The following CSTPP1 variants were observed in gnomAD, a reference collection of about 807,000 sequenced individuals.
CSTPP1 encodes the protein UPF0705 protein C11orf49.
the CSTPP1 span, among the ~76,000 whole-genome samples, chr11:47,066,714 G>T: frequency 6.6e-6 from 1 of 152,176 alleles, no homozygotes; most frequent in African/African-American, 2.4e-5. Context: ...TTAATTCATG[G>T]TCGGAGGAGG....
the CSTPP1 span, among the ~76,000 whole-genome samples, chr11:47,074,479 A>C: frequency 1.4e-5 from 2 of 147,240 alleles, no homozygotes; most frequent in African/African-American, 2.5e-5. Flanking sequence ...CAGCCTGGGC[A>C]ACAGAGCAAG....
chr11:47,056,422 G>C, the CSTPP1 span, among the ~76,000 whole-genome samples: 3 of 152,106 alleles, frequency 2.0e-5, no homozygotes, highest in Admixed American at 6.6e-5. Context: ...TTACTATCAC[G>C]AGGGATTCAT....
the CSTPP1 span, among the ~76,000 whole-genome samples, chr11:46,974,310 T>A: frequency 2.0e-5 from 3 of 151,786 alleles, no homozygotes; most frequent in Non-Finnish European, 4.4e-5. Flanking sequence ...GGCAGATCGC[T>A]TGAGGTCAAG....
the CSTPP1 span, among the ~76,000 whole-genome samples, chr11:47,005,336 G>A: frequency 6.6e-6 from 1 of 152,214 alleles, no homozygotes; most frequent in East Asian, 1.9e-4. Flanking sequence ...TTGTTATAGA[G>A]CTTCAAATGT....
the CSTPP1 span, among the ~76,000 whole-genome samples, chr11:47,086,234 C>CAAAAAA: frequency 5.1e-3 from 455 of 89,384 alleles, 97 homozygotes; most frequent in South Asian, 6.3e-3. Context: ...ACTAAAAATC[C>CAAAAAA]AAAAAAAAAA....
chr11:46,960,308 G>T, the CSTPP1 span, among the ~76,000 whole-genome samples: 1 of 151,928 alleles, frequency 6.6e-6, no homozygotes, highest in Non-Finnish European at 1.5e-5. Context: ...ACAATGCCTG[G>T]CATTTTTTAG....
the CSTPP1 span, among the ~76,000 whole-genome samples, chr11:47,029,937 G>GA: frequency 0.012 from 1,553 of 125,504 alleles, 14 homozygotes; most frequent in African/African-American, 0.037. Flanking sequence ...GTCTCTACTG[G>GA]AAAAAAAAAA....
chr11:46,987,900 A>G, the CSTPP1 span: 24,140 of 152,826 alleles, frequency 0.16, 6,451 homozygotes, highest in African/African-American at 0.55. Flanking sequence ...AAATGGACAA[A>G]AGATGTGCAT....
the CSTPP1 span, among the ~76,000 whole-genome samples, chr11:47,063,804 T>C: frequency 6.6e-6 from 1 of 152,220 alleles, no homozygotes; most frequent in Non-Finnish European, 1.5e-5. Flanking sequence ...CAAATATCTT[T>C]CTAGTCCCTG....
At chr11:47,162,315 T>C in the CSTPP1 span, 3 of 946,900 alleles carry the variant, frequency 3.2e-6, no homozygotes, top group Non-Finnish European at 3.8e-6. Flanking sequence ...TCGGTGCTTT[T>C]CTGGTAGGAC....
chr11:47,155,099 CCTCCCTCTCCCTCT>C, the CSTPP1 span: 1 of 965,926 alleles, frequency 1.0e-6, no homozygotes, highest in East Asian at 3.1e-5. Context: ...CTTTTCCCTT[CCTCCCTCTCCCTCT>C]CTCCCTCCCC....
the CSTPP1 span, among the ~76,000 whole-genome samples, chr11:46,983,448 G>A: frequency 8.5e-5 from 13 of 152,332 alleles, no homozygotes; most frequent in East Asian, 3.9e-4. Context: ...ACACTAGAGC[G>A]TAGGTACAGG....
chr11:47,133,914 A>G, the CSTPP1 span, among the ~76,000 whole-genome samples: 1 of 152,166 alleles, frequency 6.6e-6, no homozygotes, highest in Non-Finnish European at 1.5e-5. Flanking sequence ...CCCTTAGAAC[A>G]GTGCCTCCCC....
the CSTPP1 span, among the ~76,000 whole-genome samples, chr11:46,977,433 A>G: frequency 2.0e-5 from 3 of 150,992 alleles, no homozygotes; most frequent in African/African-American, 7.3e-5. Context: ...AATGTGAAAA[A>G]CCTCCCATTT....
At chr11:47,157,298 T>C in the CSTPP1 span, 38 of 1,441,296 alleles carry the variant, frequency 2.6e-5, 1 homozygote, top group Non-Finnish European at 5.5e-6. Context: ...CTCCGCAGGA[T>C]GTTCTGCGCG....
the CSTPP1 span, among the ~76,000 whole-genome samples, chr11:47,073,266 A>G: frequency 6.6e-6 from 1 of 152,226 alleles, no homozygotes; most frequent in African/African-American, 2.4e-5. Flanking sequence ...GATGCTTACA[A>G]TCTAGCTGGG....
At chr11:47,153,035 G>C in the CSTPP1 span, among the ~76,000 whole-genome samples, 1 of 152,140 alleles carries the variant, frequency 6.6e-6, no homozygotes, top group African/African-American at 2.4e-5. Flanking sequence ...GAGCGCTCCC[G>C]GGGGAGCTCA....
At chr11:47,129,608 C>A in the CSTPP1 span, among the ~76,000 whole-genome samples, 19 of 152,152 alleles carry the variant, frequency 1.2e-4, no homozygotes, top group Admixed American at 3.3e-4. Context: ...AACAGACCCC[C>A]AAGGGTTCGA....
chr11:47,125,715 T>G, the CSTPP1 span, among the ~76,000 whole-genome samples: 11 of 152,160 alleles, frequency 7.2e-5, no homozygotes, highest in African/African-American at 2.4e-4. Context: ...GATTTTAAAT[T>G]GCAAAGAAAA....
Sources: allele counts gnomAD v4.1 joint callset (sites outside exome capture counted in the v4.1 genomes callset), GRCh38; gene constraint gnomAD v4.1.1; transcripts MANE v1.5; gene names NCBI Gene and HGNC (gene_info 2026-07-23, HGNC 2026-07-21).